The following RFX7 variants were observed in gnomAD, a reference collection of about 807,000 sequenced individuals.
RFX7 encodes DNA-binding protein RFX7.
Under a neutral mutation model 111.8 loss-of-function variants are expected in RFX7, and 26 were observed. The ratio of observed to expected loss-of-function variants is 0.23; its 90% CI spans 0.17 to 0.32. The LOEUF (loss-of-function observed/expected upper bound fraction) is 0.32. RFX7 is among the 10% of genes least tolerant of loss of function. The pLI, the probability that RFX7 is intolerant of heterozygous loss-of-function variation, is 1.00. For synonymous variants in RFX7, 624 were observed against 624.4 expected, an observed-to-expected ratio of 1.00 and a Z score of 0.01; for missense variants, 1,573 against 1,772.9, an observed-to-expected ratio of 0.89 and a Z score of 2.02.
intron 3 of RFX7, among the ~76,000 whole-genome samples, chr15:56,159,369 G>T (rs187959502): frequency 6.6e-6 from 1 of 152,118 alleles, no homozygotes; most frequent in Non-Finnish European, 1.5e-5. Context: ...CCACTAACTT[G>T]GTTGGAATAC....
In RFX7 at chr15:56,218,144, C is replaced by CTTTT. The variant is rs869249448; in HGVS notation, c.161+24977_161+24980dup. 5.2e-4 allele frequency among the ~76,000 whole-genome samples: 30 copies of CTTTT among 57,978 alleles called. 4 individuals are homozygous for CTTTT. Among genetic ancestry groups the CTTTT allele is most frequent in the Admixed American group, 9.8e-4 (4 of 4,068 alleles). 38.0% of individuals were successfully genotyped at this position (57,978 alleles called of 152,430 possible). On this transcript the variant is annotated intron_variant, in intron 2 of 9. Transcript: ENST00000559447. ...TTACAAGTAATTTAGAAATGATTTT[C>CTTTT]TTTTTTTTTTTTTTTTTTTTTTTTT...
At chr15:56,122,367 C>G (rs188016274) in intron 5 of RFX7, among the ~76,000 whole-genome samples, 1 of 152,294 alleles carries the variant, frequency 6.6e-6, no homozygotes, top group African/African-American at 2.4e-5. Context: ...CCCTTATTTT[C>G]TCCCAAACAA....
intron 3 of RFX7, among the ~76,000 whole-genome samples, chr15:56,148,277 G>A (rs1191338281): frequency 5.9e-5 from 9 of 152,176 alleles, no homozygotes; most frequent in East Asian, 5.8e-4. Context: ...CAAGTGAGCC[G>A]ACCTTGCATG....
chr15:56,227,715 T>C (rs778589354), intron 2 of RFX7, among the ~76,000 whole-genome samples: 5 of 152,216 alleles, frequency 3.3e-5, no homozygotes, highest in Non-Finnish European at 7.4e-5. Context: ...ACTCAATGAA[T>C]ACAGTGTTAT....
chr15:56,184,193 A>ATT lies in RFX7; in HGVS notation c.162-4892_162-4891dup, dbSNP rs35880948. On this transcript the variant is annotated intron_variant, in intron 2 of 9. Coordinates refer to ENST00000559447, the MANE Select transcript of RFX7 (RefSeq NM_022841.7). Reference sequence around the variant, plus strand: ...TGCCACCACACCTGGCTAATTTTGTATTTTTTTTTTTTTTTTTTTTTTTTT... The same window carrying ATT: ...TGCCACCACACCTGGCTAATTTTGTATTTTTTTTTTTTTTTTTTTTTTTTTTT... Among the ~76,000 whole-genome samples the ATT allele has an allele frequency of 4.8e-3, 388 of 80,724 alleles. 5 individuals carry two copies. Among genetic ancestry groups the ATT allele is most frequent in the East Asian group, 0.011 (30 of 2,782 alleles). 53.0% of individuals were successfully genotyped at this position (80,724 alleles called of 152,430 possible).
rs576240606 is a variant in RFX7 at position 56,136,159 on chromosome 15, A to G, written c.401+6619T>C. Among the ~76,000 whole-genome samples the G allele has an allele frequency of 1.4e-4, 22 of 151,924 alleles. No individual in the cohort carries two copies. The South Asian group carries it at 2.7e-3, about 19-fold the overall frequency. On this transcript the variant is annotated intron_variant, in intron 5 of 9. Transcript: ENST00000559447. ...TTTTTACAATTCTGTGAAGAAAGGC[A>G]TTGGTAGCTTGATGGGGATGGCATT...
At chr15:56,135,355 C>T (rs2042284709) in intron 5 of RFX7, among the ~76,000 whole-genome samples, 2 of 152,212 alleles carry the variant, frequency 1.3e-5, no homozygotes, top group Admixed American at 1.3e-4. Context: ...TTGCATTTCT[C>T]TGATGGCCAG....
rs1400865805 is a variant in RFX7 at position 56,090,937 on chromosome 15, G to C, written c.*2408C>G. On this transcript the variant is annotated 3_prime_UTR_variant, in exon 10 of 10. Coordinates refer to ENST00000559447, the MANE Select transcript of RFX7 (RefSeq NM_022841.7). ...AAAACAATAAAAATAATCTGGAACA[G>C]AACATATTCAACAATAACTAAGCAG... 1.3e-5 allele frequency: 2 copies of C among 152,478 alleles called. No individual in the cohort carries two copies. The highest frequency in any genetic ancestry group is 6.6e-5 in the Admixed American group (1 of 15,250). 9.4% of individuals were successfully genotyped at this position (152,478 alleles called of 1,614,324 possible). A position where few individuals can be genotyped will look rare whatever the true frequency, so the allele number is the denominator to read the frequency against.
Position 56,210,032 on chromosome 15 carries a change from CACT to C in RFX7, c.162-30732_162-30730del, listed in dbSNP as rs1161310097. Among the ~76,000 whole-genome samples the C allele has an allele frequency of 2.0e-5, 3 of 151,940 alleles. No homozygotes were observed. In the South Asian group the frequency reaches 6.2e-4, roughly 31 times the overall value. ...TCTAAATGCACCAATTGAAAGACAC[CACT>C]GTCAGAGTGGATCAAGAAATAAGAC... On this transcript the variant is annotated intron_variant, in intron 2 of 9. Transcript: ENST00000559447.
intron 5 of RFX7, among the ~76,000 whole-genome samples, chr15:56,119,541 C>A (rs1170637109): frequency 5.9e-5 from 9 of 151,850 alleles, no homozygotes; most frequent in African/African-American, 2.2e-4. Context: ...CTTTGGGAGG[C>A]CGAGGTGGGT....
chr15:56,136,552 T>C (rs1334085173), intron 5 of RFX7, among the ~76,000 whole-genome samples: 45 of 146,140 alleles, frequency 3.1e-4, no homozygotes, highest in African/African-American at 9.8e-4. Flanking sequence ...TACAATCATG[T>C]CGTCTGCAAA....
At chr15:56,105,919 A>G (rs1204727285) in intron 5 of RFX7, among the ~76,000 whole-genome samples, 2 of 152,212 alleles carry the variant, frequency 1.3e-5, no homozygotes, top group Non-Finnish European at 2.9e-5. Flanking sequence ...TCATTGGTGT[A>G]GAGAAATAAC....
chr15:56,177,869 G>T (rs564401780), intron 3 of RFX7, among the ~76,000 whole-genome samples: 1 of 152,160 alleles, frequency 6.6e-6, no homozygotes, highest in South Asian at 2.1e-4. Context: ...TGCTCTGGGG[G>T]TTGGTGGCAA....
chr15:56,214,928 TTAAG>T (rs1317824857), intron 2 of RFX7, among the ~76,000 whole-genome samples: 26 of 152,302 alleles, frequency 1.7e-4, no homozygotes, highest in Admixed American at 1.2e-3. Context: ...CTTCTAATTA[TTAAG>T]TTTTACTCAT....
In RFX7 at chr15:56,093,403, G is replaced by A. The variant is rs779687859; in HGVS notation, c.4325C>T (p.Ser1442Leu). The A allele has an allele frequency of 1.9e-6, 3 of 1,613,442 alleles. No individual in the cohort carries two copies. The highest frequency in any genetic ancestry group is 4.5e-5 in the East Asian group (2 of 44,890). Residue 1442 changes from serine to leucine, a missense_variant, in exon 10 of 10, where the codon TCA becomes TTA. Ser to Leu is a moderately radical substitution (Grantham distance 145). Coordinates refer to ENST00000559447, the MANE Select transcript of RFX7 (RefSeq NM_022841.7). The part of the protein sequence containing the change: ...ICSESMNSMT[S>L]SGFEWIESKD... Reference sequence around the variant, plus strand: ...GCTTTCTATCCATTCAAAACCTGATGAAGTCATAGAATTCATGGATTCACT... The same window carrying A: ...GCTTTCTATCCATTCAAAACCTGATAAAGTCATAGAATTCATGGATTCACT...
At chr15:56,155,556 T>A (rs1167740583) in intron 3 of RFX7, among the ~76,000 whole-genome samples, 1 of 151,730 alleles carries the variant, frequency 6.6e-6, no homozygotes. Context: ...TAAGTGGGAG[T>A]TGAACAATGA....
rs2041604899 is a variant in RFX7, at chr15:56,092,219, T to C, written c.*1126A>G. On this transcript the variant is annotated 3_prime_UTR_variant, in exon 10 of 10. Transcript: ENST00000559447. ...TTCTTCAAGTACTATTGATATCCCC[T>C]TTGTTTCATCAGAGATATAAAGATT... 1 of 152,596 alleles carries C rather than the reference T, an allele frequency of 6.6e-6. No homozygotes were observed. Among genetic ancestry groups the C allele is most frequent in the Non-Finnish European group, 1.5e-5 (1 of 67,984 alleles). 9.5% of individuals were successfully genotyped at this position (152,596 alleles called of 1,614,324 possible).
At chr15:56,157,924 A>G (rs2042673958) in intron 3 of RFX7, among the ~76,000 whole-genome samples, 1 of 152,234 alleles carries the variant, frequency 6.6e-6, no homozygotes, top group Non-Finnish European at 1.5e-5. Context: ...TGTATGATTC[A>G]CTGACTCTTC....
At chr15:56,241,634 A>C (rs1329565755) in intron 2 of RFX7, among the ~76,000 whole-genome samples, 2 of 152,138 alleles carry the variant, frequency 1.3e-5, no homozygotes, top group Admixed American at 1.3e-4. Context: ...CTTGATGGCA[A>C]GCAAGATATT....
Sources: allele counts gnomAD v4.1 joint callset (sites outside exome capture counted in the v4.1 genomes callset), GRCh38; gene constraint gnomAD v4.1.1; transcripts MANE v1.5; gene names NCBI Gene and HGNC (gene_info 2026-07-23, HGNC 2026-07-21).